The following C1QTNF6 variants were observed in gnomAD, a reference collection of about 807,000 sequenced individuals.
C1QTNF6 encodes complement C1q tumor necrosis factor-related protein 6.
A neutral mutation model predicts 20.7 loss-of-function variants in C1QTNF6; 17 were observed. The ratio of observed to expected loss-of-function variants is 0.82; its 90% CI spans 0.56 to 1.23. The LOEUF is 1.23. C1QTNF6 is among the 50% of genes most tolerant of loss of function. The pLI is 0.00. For synonymous variants in C1QTNF6, 130 were observed against 156.3 expected, an observed-to-expected ratio of 0.83 and a Z score of 1.25; for missense variants, 329 against 389.7, an observed-to-expected ratio of 0.84 and a Z score of 1.31.
intron 2 of C1QTNF6, among the ~76,000 whole-genome samples, chr22:37,194,613 G>A (rs1480222152): frequency 1.3e-5 from 2 of 152,320 alleles, no homozygotes; most frequent in Middle Eastern, 3.4e-3. Flanking sequence ...TGGAACCACA[G>A]GCAAAAGCCT....
chr22:37,192,983 T>C (rs1271468092), upstream of C1QTNF6, among the ~76,000 whole-genome samples: 1 of 152,166 alleles, frequency 6.6e-6, no homozygotes, highest in East Asian at 1.9e-4. Context: ...ATTTTTATAT[T>C]GGATCCTGGA....
At position 37,184,584 on chromosome 22, in the gene C1QTNF6, G is replaced by A. The variant is rs1924124748; in HGVS notation, c.289+634C>T. The A allele has an allele frequency of 1.5e-6, 1 of 655,768 alleles. No individual in the cohort carries two copies. Among genetic ancestry groups the A allele is most frequent in the African/African-American group, 1.8e-5 (1 of 55,504 alleles). The allele number at this position is 655,768 out of a possible 1,614,324, so 40.6% of individuals were successfully genotyped here. On this transcript the variant is annotated intron_variant, in intron 2 of 2. Transcript: ENST00000337843. This position sits in a 1 kb window ranked among gnomAD's most constrained non-coding sequence, Gnocchi z 4.0. The stretch of plus-strand genomic sequence containing the variant: ...CTGGACAGGCCCCACAGGGCTGCAT[G>A]CTCCGACCCTCGGCCCCCGCTGGTT...
At position 37,184,228 on chromosome 22, in the gene C1QTNF6, C is replaced by A. The variant is rs960717775; in HGVS notation, c.289+990G>T. Reference sequence around the variant, plus strand: ...TGACCACTGGCTGTGCAGTGAGTGTCCCCGGGGAGAGCTCAGGAACAAATC... The same window carrying A: ...TGACCACTGGCTGTGCAGTGAGTGTACCCGGGGAGAGCTCAGGAACAAATC... On this transcript the variant is annotated intron_variant, in intron 2 of 2. Coordinates refer to ENST00000337843, the MANE Select transcript of C1QTNF6 (RefSeq NM_031910.4). The surrounding 1 kb of genome is among the most constrained non-coding windows in gnomAD (Gnocchi z 4.0). 5 of 656,418 alleles carry A rather than the reference C, an allele frequency of 7.6e-6. No individual in the cohort carries two copies. The highest frequency in any genetic ancestry group is 1.4e-5 in the Non-Finnish European group (5 of 351,712). The allele number at this position is 656,418 out of a possible 1,614,324, so 40.7% of individuals were successfully genotyped here. A position where few individuals can be genotyped will look rare whatever the true frequency, so the allele number is the denominator to read the frequency against.
chr22:37,194,399 GACAA>G (rs1014986250), intron 2 of C1QTNF6, among the ~76,000 whole-genome samples: 14 of 152,288 alleles, frequency 9.2e-5, no homozygotes, highest in African/African-American at 3.4e-4. Context: ...TTGCAGGAGA[GACAA>G]ACAGTGATTT....
upstream of C1QTNF6, among the ~76,000 whole-genome samples, chr22:37,189,872 TC>T (rs1350011024): frequency 6.6e-6 from 1 of 152,162 alleles, no homozygotes; most frequent in Non-Finnish European, 1.5e-5. Flanking sequence ...CTGTGACTTA[TC>T]GGGTAAAATG....
At chr22:37,183,835 G>A (rs765100569) in intron 2 of C1QTNF6, among the ~76,000 whole-genome samples, 7 of 152,348 alleles carry the variant, frequency 4.6e-5, no homozygotes, top group Non-Finnish European at 7.3e-5. Flanking sequence ...AAGGAGTGGA[G>A]GGTGGACAGG....
intron 2 of C1QTNF6, among the ~76,000 whole-genome samples, chr22:37,183,551 C>T (rs890049720): frequency 1.3e-5 from 2 of 152,244 alleles, no homozygotes; most frequent in African/African-American, 4.8e-5. Flanking sequence ...AGGGACCCGA[C>T]CTCACATAGC....
At chr22:37,191,385 C>A (rs1464492161), upstream of C1QTNF6, among the ~76,000 whole-genome samples, 2 of 152,056 alleles carry the variant, frequency 1.3e-5, no homozygotes, top group Non-Finnish European at 2.9e-5. Context: ...ATAAACACAG[C>A]CCAAAGAAAG....
upstream of C1QTNF6, among the ~76,000 whole-genome samples, chr22:37,191,148 A>G (rs1924797265): frequency 2.6e-5 from 4 of 152,204 alleles, no homozygotes; most frequent in African/African-American, 4.8e-5. Context: ...TGAAGAGAAT[A>G]AAAGCAAGAC....
chr22:37,185,999 A>C, intron 1 of C1QTNF6: 1 of 985,522 alleles, frequency 1.0e-6, no homozygotes, highest in African/African-American at 1.7e-5. Flanking sequence ...TTCTCAGGAG[A>C]GGGGATGGGT....
At position 37,184,997 on chromosome 22, in the gene C1QTNF6, C is replaced by T. The variant is rs1452104112; in HGVS notation, c.289+221G>A. Reference sequence around the variant, plus strand: ...TAGGTGATGTGTGCCTTGCTCACAGCCCATCTCCCCACCGAGAACGGGTGC... The same window carrying T: ...TAGGTGATGTGTGCCTTGCTCACAGTCCATCTCCCCACCGAGAACGGGTGC... On this transcript the variant is annotated intron_variant, in intron 2 of 2. Transcript: ENST00000337843. The surrounding 1 kb of genome is among the most constrained non-coding windows in gnomAD (Gnocchi z 4.0). 6.7e-6 allele frequency among the ~76,000 whole-genome samples: 1 copy of T among 149,774 alleles called. No homozygotes were observed. The highest frequency in any genetic ancestry group is 6.6e-5 in the Admixed American group (1 of 15,110).
At chr22:37,197,134 G>A (rs902428804) in intron 1 of C1QTNF6, 2 of 152,390 alleles carry the variant, frequency 1.3e-5, no homozygotes, top group African/African-American at 2.4e-5. Flanking sequence ...AATCCCCCAG[G>A]TCATCCATTC....
Position 37,181,870 on chromosome 22 carries a change from G to A in C1QTNF6, c.*318C>T, listed in dbSNP as rs1923794577. Reference sequence around the variant, plus strand: ...AATCCTGGACCCACTCAGACCTGCTGAGTCAGAATCTGCATTTAACACGAA... The same window carrying A: ...AATCCTGGACCCACTCAGACCTGCTAAGTCAGAATCTGCATTTAACACGAA... On this transcript the variant is annotated 3_prime_UTR_variant, in exon 3 of 3. Coordinates refer to ENST00000337843, the MANE Select transcript of C1QTNF6 (RefSeq NM_031910.4). 2.6e-6 allele frequency: 1 copy of A among 379,102 alleles called. No homozygotes were observed. Among genetic ancestry groups the A allele is most frequent in the East Asian group, 5.6e-5 (1 of 17,808 alleles). 23.5% of individuals were successfully genotyped at this position (379,102 alleles called of 1,614,324 possible).
At chr22:37,195,776 G>A (rs1475329105) in intron 1 of C1QTNF6, 1 of 152,204 alleles carries the variant, frequency 6.6e-6, no homozygotes, top group Non-Finnish European at 1.5e-5. Context: ...TCTGGACATT[G>A]CCATGGCATT....
Position 37,182,057 on chromosome 22 carries a change from A to G in C1QTNF6, c.*131T>C. The G allele has an allele frequency of 1.0e-6, 1 of 960,032 alleles. No homozygotes were observed. The highest frequency in any genetic ancestry group is 1.5e-6 in the Non-Finnish European group (1 of 664,094). The allele number at this position is 960,032 out of a possible 1,614,324, so 59.5% of individuals were successfully genotyped here. On this transcript the variant is annotated 3_prime_UTR_variant, in exon 3 of 3. Transcript: ENST00000337843. Reference sequence around the variant, plus strand: ...GGATGATGGCAGCCAAGATAGAAGCAGGGTCTCCCCAGAATGCCAGGTCCC... The same window carrying G: ...GGATGATGGCAGCCAAGATAGAAGCGGGGTCTCCCCAGAATGCCAGGTCCC...
At chr22:37,182,817 C>G in intron 2 of C1QTNF6, 82 bp from the exon 3 acceptor site, 1 of 1,469,496 alleles carries the variant, frequency 6.8e-7, no homozygotes, top group South Asian at 1.4e-5. Flanking sequence ...TGTGACGGCT[C>G]TGCCCCTGTC....
At position 37,184,353 on chromosome 22, in the gene C1QTNF6, G is replaced by C. The variant is rs1924079675; in HGVS notation, c.289+865C>G. Reference sequence around the variant, plus strand: ...AATATCGACCTCACGGGCTGTTGTGGGCAGAGACGGACGCTAAGGATGTCA... The same window carrying C: ...AATATCGACCTCACGGGCTGTTGTGCGCAGAGACGGACGCTAAGGATGTCA... On this transcript the variant is annotated intron_variant, in intron 2 of 2. Coordinates refer to ENST00000337843, the MANE Select transcript of C1QTNF6 (RefSeq NM_031910.4). The surrounding 1 kb of genome is among the most constrained non-coding windows in gnomAD (Gnocchi z 4.0). 1 of 717,128 alleles carries C rather than the reference G, an allele frequency of 1.4e-6. No homozygotes were observed. The highest frequency in any genetic ancestry group is 2.6e-6 in the Non-Finnish European group (1 of 385,050). 44.4% of individuals were successfully genotyped at this position (717,128 alleles called of 1,614,324 possible).
chr22:37,192,026 A>C (rs747315804), upstream of C1QTNF6, among the ~76,000 whole-genome samples: 66 of 139,090 alleles, frequency 4.7e-4, no homozygotes, highest in Non-Finnish European at 2.1e-4. Flanking sequence ...GGAAAAACTG[A>C]ATAATATCCC....
chr22:37,193,097 G>A (rs186194142), upstream of C1QTNF6, among the ~76,000 whole-genome samples: 7 of 152,268 alleles, frequency 4.6e-5, no homozygotes, highest in East Asian at 9.6e-4. Flanking sequence ...ATGCTTTTCT[G>A]ATCCAAAGGT....
Sources: allele counts gnomAD v4.1 joint callset (sites outside exome capture counted in the v4.1 genomes callset), GRCh38; gene constraint gnomAD v4.1.1; non-coding constraint Gnocchi (gnomAD v3.1); transcripts MANE v1.5; gene names NCBI Gene and HGNC (gene_info 2026-07-23, HGNC 2026-07-21).